AOAH: variants seen among roughly 807,000 people sequenced by gnomAD.
AOAH encodes acyloxyacyl hydrolase (neutrophil).
AOAH carries 64 observed loss-of-function variants against 92.2 expected under a neutral mutation model. That is an observed-to-expected ratio of 0.69 (90% confidence interval 0.57 to 0.86). AOAH has a LOEUF of 0.86. Among genes scored for constraint, AOAH ranks in the 40% least tolerant of loss-of-function variants. The pLI is 0.00. For missense variants in AOAH, 656 were observed against 694.6 expected (o/e 0.94, Z 0.62); for synonymous variants, 263 against 254.5 (o/e 1.03, Z -0.32).
intron 6 of AOAH, among the ~76,000 whole-genome samples, chr7:36,625,458 T>G (rs377111018): frequency 1.8e-4 from 28 of 152,224 alleles, no homozygotes; most frequent in African/African-American, 6.7e-4. Context: ...GGAAACCACA[T>G]GAAAAGCCCC....
At chr7:36,654,464 C>T (rs1446418738) in intron 4 of AOAH, among the ~76,000 whole-genome samples, 1 of 152,120 alleles carries the variant, frequency 6.6e-6, no homozygotes, top group Non-Finnish European at 1.5e-5. Context: ...CCTGGAATTT[C>T]AGGTGGGCTG....
chr7:36,524,602 G>T (rs1784296165), intron 19 of AOAH, among the ~76,000 whole-genome samples: 1 of 152,024 alleles, frequency 6.6e-6, no homozygotes, highest in South Asian at 2.1e-4. Flanking sequence ...CCTGAACATG[G>T]GAGGCAGAGA....
At chr7:36,543,947 C>CTTTTTTT (rs1219471100) in intron 15 of AOAH, among the ~76,000 whole-genome samples, 1 of 91,006 alleles carries the variant, frequency 1.1e-5, no homozygotes, top group Non-Finnish European at 2.0e-5. Flanking sequence ...TTCTTTCTTT[C>CTTTTTTT]TTTTTTTTTT....
chr7:36,602,757 T>C (rs1790704946), intron 11 of AOAH, among the ~76,000 whole-genome samples: 2 of 151,934 alleles, frequency 1.3e-5, no homozygotes, highest in Admixed American at 6.6e-5. Flanking sequence ...TTTTTGGGGG[T>C]AATAACTGGA....
intron 11 of AOAH, among the ~76,000 whole-genome samples, chr7:36,608,340 G>A (rs1032539044): frequency 7.2e-5 from 11 of 152,296 alleles, no homozygotes; most frequent in Non-Finnish European, 1.3e-4. Flanking sequence ...CTTTGATTCT[G>A]GAGATAAGTG....
chr7:36,652,766 A>G (rs1306008334), intron 4 of AOAH, among the ~76,000 whole-genome samples: 1 of 152,256 alleles, frequency 6.6e-6, no homozygotes, highest in Admixed American at 6.5e-5. Flanking sequence ...TTACCGACGT[A>G]CTTAACCTGT....
chr7:36,701,173 A>G (rs1046674784), intron 1 of AOAH, among the ~76,000 whole-genome samples: 1 of 151,874 alleles, frequency 6.6e-6, no homozygotes, highest in Non-Finnish European at 1.5e-5. Flanking sequence ...TATTTATGTG[A>G]TTTCAATTTT....
chr7:36,582,606 C>T (rs1310267613), intron 12 of AOAH, among the ~76,000 whole-genome samples: 1 of 152,130 alleles, frequency 6.6e-6, no homozygotes, highest in Non-Finnish European at 1.5e-5. Flanking sequence ...TTCGGTAGAA[C>T]AAAACAGAGT....
At chr7:36,553,214 G>A (rs1045803634) in intron 13 of AOAH, among the ~76,000 whole-genome samples, 51 of 147,336 alleles carry the variant, frequency 3.5e-4, no homozygotes, top group African/African-American at 1.1e-3. Flanking sequence ...GTGAGAACAT[G>A]CGGTGTTTGG....
rs73107136 is a variant in AOAH at position 36,625,806 on chromosome 7, A to G, written c.522-2556T>C. Among the ~76,000 whole-genome samples, 191 of 152,288 alleles carry G rather than the reference A, an allele frequency of 1.3e-3. 1 individual carries two copies. Among genetic ancestry groups the G allele is most frequent in the Admixed American group, 4.9e-3 (75 of 15,304 alleles). On this transcript the variant is annotated intron_variant, in intron 6 of 20. Transcript: ENST00000617537. ...TTCCCGAGTGGGCTCAGAGGCTGTG[A>G]CGCTGCTCTCCCTTATGCAGGAGAG...
chr7:36,611,512 C>T (rs1276750574), intron 11 of AOAH, among the ~76,000 whole-genome samples: 1 of 152,178 alleles, frequency 6.6e-6, no homozygotes, highest in Non-Finnish European at 1.5e-5. Flanking sequence ...TGTTAAGTCT[C>T]TAGGATGGGG....
chr7:36,566,094 C>CTTTTTTTTTTTTTTTTTTTTT (rs35521941), intron 13 of AOAH, among the ~76,000 whole-genome samples: 1 of 119,924 alleles, frequency 8.3e-6, no homozygotes, highest in Non-Finnish European at 1.8e-5. Flanking sequence ...GTAATACTGG[C>CTTTTTTTTTTTTTTTTTTTTT]TTTTTTTTTT....
At position 36,620,696 on chromosome 7, in the gene AOAH, G is replaced by A. The variant is rs1792216218; in HGVS notation, c.702+85C>T. ...CTTTAGGCTGTCATAGTCTTCCCTG[G>A]ATCTAACTAAAGCAAATATGTGATG... is the stretch of plus-strand genomic sequence containing the variant. On this transcript the variant is annotated intron_variant, in intron 9 of 20. Transcript: ENST00000617537. 4 of 1,348,162 alleles carry A rather than the reference G, an allele frequency of 3.0e-6. No homozygotes were observed. In the South Asian group the frequency reaches 5.0e-5, roughly 17 times the overall value. The allele number at this position is 1,348,162 out of a possible 1,614,324, so 83.5% of individuals were successfully genotyped here.
intron 1 of AOAH, among the ~76,000 whole-genome samples, chr7:36,721,203 C>T (rs1349889692): frequency 6.6e-6 from 1 of 152,162 alleles, no homozygotes; most frequent in African/African-American, 2.4e-5. Context: ...AAATTACAGC[C>T]CTCCCCTGTG....
intron 2 of AOAH, among the ~76,000 whole-genome samples, chr7:36,681,166 T>C (rs1796620902): frequency 6.6e-6 from 1 of 152,226 alleles, no homozygotes; most frequent in Non-Finnish European, 1.5e-5. Context: ...AGCTTAATGA[T>C]AACTGTGACT....
At chr7:36,608,026 T>C (rs1791134514) in intron 11 of AOAH, among the ~76,000 whole-genome samples, 2 of 152,236 alleles carry the variant, frequency 1.3e-5, no homozygotes, top group Admixed American at 1.3e-4. Flanking sequence ...TGAAGTCACC[T>C]TGCCCCTGCA....
intron 3 of AOAH, among the ~76,000 whole-genome samples, chr7:36,666,123 T>C (rs1795517880): frequency 6.6e-6 from 1 of 152,114 alleles, no homozygotes; most frequent in Admixed American, 6.5e-5. Context: ...AGAGACTTGG[T>C]ATACCTTCTT....
chr7:36,535,718 T>C (rs1269302589), intron 16 of AOAH, among the ~76,000 whole-genome samples: 1 of 149,494 alleles, frequency 6.7e-6, no homozygotes, highest in African/African-American at 2.5e-5. Flanking sequence ...ATGTGCTGAG[T>C]TCGCTAGCGG....
chr7:36,548,108 G>A (rs1785922831), intron 15 of AOAH, among the ~76,000 whole-genome samples: 1 of 152,194 alleles, frequency 6.6e-6, no homozygotes, highest in Non-Finnish European at 1.5e-5. Context: ...TTACATCAGA[G>A]TTGATCATTA....
Sources: gnomAD v4.1 joint callset for allele counts (sites outside exome capture counted in the v4.1 genomes callset) on GRCh38, gnomAD v4.1.1 for gene constraint, MANE v1.5 for transcripts, NCBI Gene and HGNC (gene_info 2026-07-23, HGNC 2026-07-21) for gene names.